Variants in SGMS1 observed in about 807,000 individuals in gnomAD.
SGMS1 encodes the protein phosphatidylcholine:ceramide cholinephosphotransferase 1.
In SGMS1, 13 loss-of-function variants were observed where a neutral mutation model predicts 46.2. That is an observed-to-expected ratio of 0.28 (90% CI 0.18 to 0.45). The LOEUF (loss-of-function observed/expected upper bound fraction) is 0.45. Among genes scored for constraint, SGMS1 ranks in the 20% least tolerant of loss-of-function variants. The pLI is 1.00. For missense variants in SGMS1, 324 were observed against 519.9 expected, an observed-to-expected ratio of 0.62 and a Z score of 3.66; for synonymous variants, 203 against 187.8, an observed-to-expected ratio of 1.08 and a Z score of -0.66.
chr10:50,354,453 A>G (rs1848097492), intron 6 of SGMS1, among the ~76,000 whole-genome samples: 1 of 152,248 alleles, frequency 6.6e-6, no homozygotes, highest in South Asian at 2.1e-4. Context: ...AGATGAATTA[A>G]AGACTTAAAT....
At chr10:50,589,523 G>A (rs11006222) in intron 2 of SGMS1, among the ~76,000 whole-genome samples, 20,823 of 151,880 alleles carry the variant, frequency 0.14, 1,707 homozygotes, top group Non-Finnish European at 0.19. Context: ...AGGCTGCAGT[G>A]CAGTAGCTCC....
chr10:50,573,162 C>T (rs776958474), intron 2 of SGMS1, among the ~76,000 whole-genome samples: 2 of 152,146 alleles, frequency 1.3e-5, no homozygotes, highest in Non-Finnish European at 2.9e-5. Flanking sequence ...AGCTTTTCCT[C>T]TAAGATCTGG....
At chr10:50,506,667 G>A (rs1837709413) in intron 3 of SGMS1, among the ~76,000 whole-genome samples, 3 of 152,208 alleles carry the variant, frequency 2.0e-5, no homozygotes, top group South Asian at 4.1e-4. Context: ...TTAAAGGGAT[G>A]TGCTGCTTGT....
At position 50,344,233 on chromosome 10, in the gene SGMS1, G is replaced by A; in HGVS notation, c.-119C>T. 1 of 1,381,340 alleles carries A rather than the reference G, an allele frequency of 7.2e-7. No homozygotes were observed. Among genetic ancestry groups the A allele is most frequent in the Admixed American group, 2.4e-5 (1 of 41,442 alleles). 85.6% of individuals were successfully genotyped at this position (1,381,340 alleles called of 1,614,324 possible). A position where few individuals can be genotyped will look rare whatever the true frequency, so the allele number is the denominator to read the frequency against. On this transcript the variant is annotated 5_prime_UTR_variant, in exon 7 of 11. Coordinates refer to ENST00000361781, the MANE Select transcript of SGMS1 (RefSeq NM_147156.4). ...TTCATCCTGTGGGGCCTCATGAGCA[G>A]AGACTTGTTTGGCAAGATGGTCAGG...
upstream of SGMS1, chr10:50,624,961 C>A (rs1015678461): frequency 1.9e-6 from 2 of 1,034,634 alleles, no homozygotes; most frequent in South Asian, 5.3e-5. Context: ...ATCTTCCGCC[C>A]GGCCATCGGG....
chr10:50,366,079 G>A (rs1437762170), intron 6 of SGMS1, among the ~76,000 whole-genome samples: 2 of 152,132 alleles, frequency 1.3e-5, no homozygotes, highest in Non-Finnish European at 2.9e-5. Flanking sequence ...ATTGATGAAT[G>A]GGATCTGATT....
At chr10:50,609,622 T>G (rs540466478) in intron 1 of SGMS1, among the ~76,000 whole-genome samples, 13 of 150,338 alleles carry the variant, frequency 8.6e-5, no homozygotes, top group African/African-American at 2.9e-4. Flanking sequence ...AACAGTTACC[T>G]AGTATTCCAT....
intron 4 of SGMS1, among the ~76,000 whole-genome samples, chr10:50,464,379 A>G (rs114525996): frequency 0.01 from 1,538 of 152,322 alleles, 30 homozygotes; most frequent in African/African-American, 0.035. Flanking sequence ...AAGCTAAAAA[A>G]TAAGAACAAG....
intron 7 of SGMS1, among the ~76,000 whole-genome samples, chr10:50,331,693 A>G (rs1400160919): frequency 2.0e-5 from 3 of 152,104 alleles, no homozygotes; most frequent in Non-Finnish European, 4.4e-5. Flanking sequence ...GCCTCCTGCT[A>G]TGGTCTGAAT....
intron 6 of SGMS1, among the ~76,000 whole-genome samples, chr10:50,382,635 A>G (rs1270910230): frequency 6.6e-6 from 1 of 151,588 alleles, no homozygotes; most frequent in Non-Finnish European, 1.5e-5. Flanking sequence ...ACACACACAC[A>G]CAAACATTCA....
At chr10:50,451,870 CT>C (rs913067421) in intron 5 of SGMS1, among the ~76,000 whole-genome samples, 3 of 152,084 alleles carry the variant, frequency 2.0e-5, no homozygotes, top group Non-Finnish European at 4.4e-5. Context: ...AGACTAGTTT[CT>C]TTTTTTGAAA....
At chr10:50,556,592 A>T (rs553647190) in intron 2 of SGMS1, among the ~76,000 whole-genome samples, 1 of 152,206 alleles carries the variant, frequency 6.6e-6, no homozygotes, top group African/African-American at 2.4e-5. Context: ...CAATGAGCCA[A>T]GGGAACAATC....
chr10:50,384,817 C>A (rs1402443894), intron 6 of SGMS1, among the ~76,000 whole-genome samples: 2 of 152,056 alleles, frequency 1.3e-5, no homozygotes, highest in African/African-American at 4.8e-5. Context: ...CTGAGGCATA[C>A]CCTTCACCCA....
chr10:50,624,875 G>T (rs903276415), upstream of SGMS1: 50 of 999,664 alleles, frequency 5.0e-5, no homozygotes, highest in African/African-American at 7.1e-4. Context: ...CGGGGTCGGG[G>T]ACTTGGCGAG....
At chr10:50,597,811 G>A (rs1168841026) in intron 1 of SGMS1, among the ~76,000 whole-genome samples, 7 of 152,020 alleles carry the variant, frequency 4.6e-5, no homozygotes, top group Non-Finnish European at 8.8e-5. Flanking sequence ...TTGGGAGTTC[G>A]AGACCAGCCT....
chr10:50,361,404 C>G (rs986695410), intron 6 of SGMS1, among the ~76,000 whole-genome samples: 3 of 152,148 alleles, frequency 2.0e-5, no homozygotes, highest in African/African-American at 7.2e-5. Context: ...ATCAGGCTCT[C>G]AAGTTCACAT....
At position 50,487,436 on chromosome 10, in the gene SGMS1, T is replaced by C. The variant is rs541350324; in HGVS notation, c.-497-20504A>G. ...TGGAGCAGCAAACCACCATGGCACATGTTTGCCTATGTAACAAACATGCAC... is the reference window on the plus strand; with the variant it reads ...TGGAGCAGCAAACCACCATGGCACACGTTTGCCTATGTAACAAACATGCAC... On this transcript the variant is annotated intron_variant, in intron 3 of 10. Transcript: ENST00000361781. 3.9e-5 allele frequency among the ~76,000 whole-genome samples: 6 copies of C among 152,342 alleles called. No individual in the cohort carries two copies. In the South Asian group the frequency reaches 1.0e-3, roughly 26 times the overall value.
intron 7 of SGMS1, among the ~76,000 whole-genome samples, chr10:50,339,014 A>G (rs1465694750): frequency 1.3e-5 from 2 of 152,246 alleles, no homozygotes; most frequent in African/African-American, 2.4e-5. Flanking sequence ...CTGGGATTAC[A>G]GGCGTGAGCC....
intron 2 of SGMS1, among the ~76,000 whole-genome samples, chr10:50,574,984 T>TATATATATATATATAA (rs1466751231): frequency 6.9e-6 from 1 of 144,748 alleles, no homozygotes; most frequent in East Asian, 2.1e-4. Context: ...TATATATATA[T>TATATATATATATATAA]AAAACAAAGT....
Sources: gnomAD v4.1 joint callset for allele counts (sites outside exome capture counted in the v4.1 genomes callset) on GRCh38, gnomAD v4.1.1 for gene constraint, MANE v1.5 for transcripts, NCBI Gene and HGNC (gene_info 2026-07-23, HGNC 2026-07-21) for gene names.